Variants in FHIP1A observed in about 807,000 individuals in gnomAD.
FHIP1A encodes the protein FHF complex subunit HOOK-interacting protein 1A.
FHIP1A carries 61 observed loss-of-function variants against 88.6 expected under a neutral mutation model. The ratio of observed to expected loss-of-function variants is 0.69; its 90% CI spans 0.56 to 0.85. The LOEUF (loss-of-function observed/expected upper bound fraction) is 0.85. Among genes scored for constraint, FHIP1A ranks in the 40% least tolerant of loss-of-function variants. The pLI, the probability that FHIP1A is intolerant of heterozygous loss-of-function variation, is 0.00. For synonymous variants in FHIP1A, 478 were observed against 496.0 expected (o/e 0.96, Z 0.48); for missense variants, 1,154 against 1,273.5 (o/e 0.91, Z 1.43).
rs1420370810 is a variant in FHIP1A at position 151,668,125 on chromosome 4, C to T, written c.*5371C>T. Among the ~76,000 whole-genome samples, 1 of 152,168 alleles carries T rather than the reference C, an allele frequency of 6.6e-6. No homozygotes were observed. Among genetic ancestry groups the T allele is most frequent in the African/African-American group, 2.4e-5 (1 of 41,436 alleles). ...AGGGTTTCAATCAGATGCTTCCCAC[C>T]TCACAAGCAAGGGTCAGCTCTATTT... On this transcript the variant is annotated 3_prime_UTR_variant, in exon 14 of 14. Transcript: ENST00000435205.
chr4:151,613,354 C>G (rs2126850856), intron 7 of FHIP1A, among the ~76,000 whole-genome samples: 1 of 152,254 alleles, frequency 6.6e-6, no homozygotes, highest in East Asian at 1.9e-4. Context: ...GATTTTAAAT[C>G]TTTTTACATG....
chr4:151,646,822 TG>T (rs1327559131), intron 10 of FHIP1A, 74 bp downstream of exon 10: 21 of 1,018,486 alleles, frequency 2.1e-5, no homozygotes, highest in Non-Finnish European at 2.9e-6. Flanking sequence ...TGTGTCCCTT[TG>T]GGTAGACAGG....
At chr4:151,581,200 C>A (rs916513282) in intron 5 of FHIP1A, among the ~76,000 whole-genome samples, 5 of 152,126 alleles carry the variant, frequency 3.3e-5, no homozygotes, top group African/African-American at 1.2e-4. Flanking sequence ...TTAGTGTATG[C>A]TGTTTTTTGG....
At chr4:151,615,260 T>TTGCCTTGATGTCTTCTTCTCAAAACAG (rs58527014) in intron 7 of FHIP1A, among the ~76,000 whole-genome samples, 6 of 151,854 alleles carry the variant, frequency 4.0e-5, no homozygotes, top group African/African-American at 1.5e-4. Flanking sequence ...GTTAGAATTC[T>TTGCCTTGATGTCTTCTTCTCAAAACAG]TGTAAAAACC....
intron 3 of FHIP1A, among the ~76,000 whole-genome samples, chr4:151,522,394 A>G (rs988541655): frequency 4.6e-5 from 7 of 152,340 alleles, no homozygotes; most frequent in East Asian, 1.9e-4. Context: ...ACTGAACTCA[A>G]TCTCTGGTTA....
At chr4:151,606,376 T>G (rs1206597722) in intron 7 of FHIP1A, among the ~76,000 whole-genome samples, 1 of 152,218 alleles carries the variant, frequency 6.6e-6, no homozygotes, top group Non-Finnish European at 1.5e-5. Context: ...TCACTGATCA[T>G]GTCATTCCTT....
At chr4:151,504,523 G>C (rs1730757521) in intron 3 of FHIP1A, among the ~76,000 whole-genome samples, 1 of 151,922 alleles carries the variant, frequency 6.6e-6, no homozygotes, top group Non-Finnish European at 1.5e-5. Flanking sequence ...TGTTTAAGCA[G>C]AACAAGAAAT....
chr4:151,620,055 A>G lies in FHIP1A; in HGVS notation c.979-9647A>G, dbSNP rs562545305. Among the ~76,000 whole-genome samples the G allele has an allele frequency of 6.0e-4, 91 of 152,360 alleles. No individual in the cohort carries two copies. The Middle Eastern group carries it at 0.017, about 28-fold the overall frequency. ...GGGGAGACATTTAGTAGTGCCTGCC[A>G]TAAACCTCAAAGCTTCTTACATGTA... is the stretch of plus-strand genomic sequence containing the variant. On this transcript the variant is annotated intron_variant, in intron 7 of 13. Transcript: ENST00000435205.
intron 7 of FHIP1A, among the ~76,000 whole-genome samples, chr4:151,625,979 G>A (rs1191571668): frequency 3.3e-5 from 5 of 152,212 alleles, no homozygotes; most frequent in Non-Finnish European, 7.3e-5. Flanking sequence ...GTAGATGATT[G>A]TGAACTGTGC....
rs539819930 is a variant in FHIP1A, at chr4:151,575,764, G to A, written c.106-1686G>A. On this transcript the variant is annotated intron_variant, in intron 4 of 13. Transcript: ENST00000435205. The stretch of plus-strand genomic sequence containing the variant: ...CTGGTCTATAACGATTTTTTTCCCT[G>A]TTTCTGACAAGGGAGAGACTTAGAC... Among the ~76,000 whole-genome samples, 12 of 152,168 alleles carry A rather than the reference G, an allele frequency of 7.9e-5. No individual in the cohort carries two copies. The East Asian group carries it at 2.3e-3, about 29-fold the overall frequency.
rs1266533808 is a variant in FHIP1A at position 151,411,345 on chromosome 4, A to AT, written c.-356+1881dup. Among the ~76,000 whole-genome samples the AT allele has an allele frequency of 1.8e-3, 219 of 121,678 alleles. 3 individuals carry two copies. Among genetic ancestry groups the AT allele is most frequent in the African/African-American group, 6.5e-3 (201 of 31,096 alleles). The allele number at this position is 121,678 out of a possible 152,430, so 79.8% of individuals were successfully genotyped here. On this transcript the variant is annotated intron_variant, in intron 1 of 13. Coordinates refer to ENST00000435205, the MANE Select transcript of FHIP1A (RefSeq NM_001109977.3). ...TTGCCTCTGAGGAGTGAAATTATATATATATTTTTTTTTTTTTAAAGTTAG... is the reference window on the plus strand; with the variant it reads ...TTGCCTCTGAGGAGTGAAATTATATATTATATTTTTTTTTTTTTAAAGTTAG...
intron 3 of FHIP1A, among the ~76,000 whole-genome samples, chr4:151,535,994 A>G (rs1732053892): frequency 6.6e-6 from 1 of 152,228 alleles, no homozygotes; most frequent in African/African-American, 2.4e-5. Flanking sequence ...ATAAAAGGTT[A>G]TGTGAGTTTC....
chr4:151,614,487 G>T (rs931746048), intron 7 of FHIP1A, among the ~76,000 whole-genome samples: 7 of 149,312 alleles, frequency 4.7e-5, no homozygotes, highest in Non-Finnish European at 1.0e-4. Flanking sequence ...AAAAAAAAAA[G>T]TTTTGTGAAC....
At chr4:151,452,879 A>C (rs80319700) in intron 1 of FHIP1A, among the ~76,000 whole-genome samples, 17,133 of 151,732 alleles carry the variant, frequency 0.11, 1,019 homozygotes, top group East Asian at 0.14. Flanking sequence ...CCACCATTAA[A>C]TTTTGGCATA....
chr4:151,507,453 AGAACATGTT>A (rs1730874364), intron 3 of FHIP1A, among the ~76,000 whole-genome samples: 1 of 152,222 alleles, frequency 6.6e-6, no homozygotes, highest in South Asian at 2.1e-4. Context: ...GTGAAAAGTT[AGAACATGTT>A]ATCTATTATT....
chr4:151,476,332 C>T (rs1053337480), intron 2 of FHIP1A, among the ~76,000 whole-genome samples: 6 of 151,320 alleles, frequency 4.0e-5, no homozygotes, highest in Admixed American at 2.6e-4. Flanking sequence ...TTTTTTTTGT[C>T]GAGACGAAGT....
At chr4:151,498,632 G>A (rs1334917755) in intron 3 of FHIP1A, among the ~76,000 whole-genome samples, 5 of 152,128 alleles carry the variant, frequency 3.3e-5, no homozygotes, top group Non-Finnish European at 5.9e-5. Flanking sequence ...TGGCTAACAC[G>A]GTGAAACCCC....
intron 7 of FHIP1A, among the ~76,000 whole-genome samples, chr4:151,615,584 C>T (rs1315575294): frequency 6.6e-6 from 1 of 152,146 alleles, no homozygotes; most frequent in Non-Finnish European, 1.5e-5. Flanking sequence ...GGGGTGTTGA[C>T]AGAGGCTCAT....
intron 1 of FHIP1A, among the ~76,000 whole-genome samples, chr4:151,448,930 A>G (rs1728700590): frequency 6.6e-6 from 1 of 152,146 alleles, no homozygotes; most frequent in African/African-American, 2.4e-5. Context: ...TCAACAGTGC[A>G]CAGGAGTTCC....
Sources: allele counts gnomAD v4.1 joint callset (sites outside exome capture counted in the v4.1 genomes callset), GRCh38; gene constraint gnomAD v4.1.1; transcripts MANE v1.5; gene names NCBI Gene and HGNC (gene_info 2026-07-23, HGNC 2026-07-21).